Variants in CNBD1 observed in about 807,000 individuals in gnomAD.
CNBD1 encodes cyclic nucleotide binding domain containing 1.
A neutral mutation model predicts 54.4 loss-of-function variants in CNBD1; 71 were observed. That is an observed-to-expected ratio of 1.30 (90% CI 1.08 to 1.59). CNBD1 has a LOEUF of 1.59. Among genes scored for constraint, CNBD1 ranks in the 40% most tolerant of loss-of-function variants. The pLI is 0.00. For missense variants in CNBD1, 659 were observed against 518.0 expected (o/e 1.27, Z -2.64); for synonymous variants, 182 against 170.7 (o/e 1.07, Z -0.51).
At chr8:86,950,179 G>A (rs1469271967) in intron 4 of CNBD1, among the ~76,000 whole-genome samples, 2 of 148,360 alleles carry the variant, frequency 1.3e-5, no homozygotes, top group African/African-American at 5.0e-5. Flanking sequence ...CTCTGCCTCA[G>A]CTTCCAGAGT....
intron 2 of CNBD1, among the ~76,000 whole-genome samples, chr8:86,900,222 A>ATGTTCTTCTAAGGTATAAGATT (rs1216167447): frequency 1.2e-4 from 18 of 152,056 alleles, no homozygotes; most frequent in African/African-American, 4.4e-4. Context: ...GGTATAAGGT[A>ATGTTCTTCTAAGGTATAAGATT]TGTTCTTCTA....
At chr8:87,025,302 A>G (rs1041572809) in intron 4 of CNBD1, among the ~76,000 whole-genome samples, 14 of 152,138 alleles carry the variant, frequency 9.2e-5, no homozygotes, top group African/African-American at 2.9e-4. Context: ...CAGCTGGGGC[A>G]ACCTGGGTCC....
intron 4 of CNBD1, among the ~76,000 whole-genome samples, chr8:87,095,290 C>T (rs1811295082): frequency 6.6e-6 from 1 of 152,108 alleles, no homozygotes; most frequent in Non-Finnish European, 1.5e-5. Flanking sequence ...ATTTGAATTC[C>T]TGGAAAACCT....
At chr8:87,307,120 C>G (rs1809168874) in intron 8 of CNBD1, among the ~76,000 whole-genome samples, 1 of 152,146 alleles carries the variant, frequency 6.6e-6, no homozygotes, top group Admixed American at 6.6e-5. Flanking sequence ...ATGTTTAGAT[C>G]TTTCTAACAG....
chr8:86,978,184 G>T (rs1238913694), intron 4 of CNBD1, among the ~76,000 whole-genome samples: 1 of 151,714 alleles, frequency 6.6e-6, no homozygotes, highest in Non-Finnish European at 1.5e-5. Flanking sequence ...TTATATTTTA[G>T]TAAATAATTT....
chr8:87,301,707 T>C (rs1037587779), intron 8 of CNBD1, among the ~76,000 whole-genome samples: 1 of 151,822 alleles, frequency 6.6e-6, no homozygotes, highest in Admixed American at 6.6e-5. Flanking sequence ...CAGGACCTGG[T>C]TTTTTGAAAA....
chr8:87,259,444 A>C (rs1770310369), intron 6 of CNBD1, among the ~76,000 whole-genome samples: 1 of 152,200 alleles, frequency 6.6e-6, no homozygotes, highest in African/African-American at 2.4e-5. Context: ...CATAAGTTAG[A>C]CCAAATGTTT....
intron 3 of CNBD1, among the ~76,000 whole-genome samples, chr8:86,921,298 T>C (rs529944609): frequency 1.3e-5 from 2 of 152,244 alleles, no homozygotes; most frequent in African/African-American, 4.8e-5. Context: ...ATAAAACCCA[T>C]ATTTTCTCTG....
chr8:87,338,848 A>C (rs770838816), intron 8 of CNBD1, among the ~76,000 whole-genome samples: 2 of 152,104 alleles, frequency 1.3e-5, no homozygotes, highest in Admixed American at 1.3e-4. Context: ...AGACACTACT[A>C]TAAATAGACC....
intron 4 of CNBD1, among the ~76,000 whole-genome samples, chr8:87,094,487 T>TA (rs1195788000): frequency 6.6e-6 from 1 of 151,624 alleles, no homozygotes; most frequent in Non-Finnish European, 1.5e-5. Flanking sequence ...GCATATGAAC[T>TA]AAAAAATATC....
At chr8:87,298,902 T>C (rs1808933762) in intron 8 of CNBD1, among the ~76,000 whole-genome samples, 1 of 152,188 alleles carries the variant, frequency 6.6e-6, no homozygotes, top group Admixed American at 6.5e-5. Context: ...CATTGTCTCA[T>C]TTACTTCTCA....
At chr8:86,964,997 G>T (rs1429092231) in intron 4 of CNBD1, among the ~76,000 whole-genome samples, 1 of 152,120 alleles carries the variant, frequency 6.6e-6, no homozygotes, top group Non-Finnish European at 1.5e-5. Flanking sequence ...GTGCCTCAAG[G>T]TGCTTAGACC....
chr8:87,400,621 T>C (rs1807545035), intron 2 of CNBD1, among the ~76,000 whole-genome samples: 1 of 152,016 alleles, frequency 6.6e-6, no homozygotes, highest in Admixed American at 6.6e-5. Context: ...TTTATCCCTG[T>C]CATTGCTATC....
chr8:86,894,313 G>A (rs548358950), intron 2 of CNBD1, among the ~76,000 whole-genome samples: 3 of 149,592 alleles, frequency 2.0e-5, no homozygotes, highest in Admixed American at 6.6e-5. Flanking sequence ...CACCCGCCTC[G>A]GCCTCCCGAA....
intron 4 of CNBD1, among the ~76,000 whole-genome samples, chr8:87,158,649 G>T (rs1488000402): frequency 6.6e-6 from 1 of 152,042 alleles, no homozygotes; most frequent in Admixed American, 6.5e-5. Context: ...TGGGGGAGAT[G>T]GGAGTTTAAA....
At chr8:86,979,572 C>A (rs1808425539) in intron 4 of CNBD1, among the ~76,000 whole-genome samples, 1 of 152,008 alleles carries the variant, frequency 6.6e-6, no homozygotes, top group South Asian at 2.1e-4. Flanking sequence ...CAGAATAAGA[C>A]CCCATTTCCA....
intron 4 of CNBD1, among the ~76,000 whole-genome samples, chr8:87,109,093 G>T (rs1010424107): frequency 6.6e-6 from 1 of 151,986 alleles, no homozygotes; most frequent in African/African-American, 2.4e-5. Flanking sequence ...AGATTTAATT[G>T]CAGGAAAATT....
chr8:87,370,621 A>T (rs2130947442), intron 10 of CNBD1, among the ~76,000 whole-genome samples: 1 of 151,774 alleles, frequency 6.6e-6, no homozygotes, highest in Admixed American at 6.6e-5. Flanking sequence ...TAGATTCTGG[A>T]TATTAGCCCT....
At chr8:86,923,258 A>G (rs1041996068) in intron 3 of CNBD1, among the ~76,000 whole-genome samples, 4 of 152,140 alleles carry the variant, frequency 2.6e-5, no homozygotes, top group Non-Finnish European at 5.9e-5. Context: ...CCTTGTCTCG[A>G]TGAAGGTCTT....
Sources: allele counts gnomAD v4.1 joint callset (sites outside exome capture counted in the v4.1 genomes callset), GRCh38; gene constraint gnomAD v4.1.1; transcripts MANE v1.5; gene names NCBI Gene and HGNC (gene_info 2026-07-23, HGNC 2026-07-21).